The following DHX8 variants were observed in gnomAD, a reference collection of about 807,000 sequenced individuals.
DHX8 encodes DEAH-box helicase 8.
Under a neutral mutation model 140.7 loss-of-function variants are expected in DHX8, and 67 were observed. The ratio of observed to expected loss-of-function variants is 0.48; its 90% CI spans 0.39 to 0.58. DHX8 has a LOEUF of 0.58. Ranked by LOEUF, DHX8 falls within the 20% of genes least tolerant of loss-of-function variation. The pLI is 0.00. For missense variants in DHX8, 887 were observed against 1,550.7 expected, an observed-to-expected ratio of 0.57 and a Z score of 7.19; for synonymous variants, 533 against 553.2, an observed-to-expected ratio of 0.96 and a Z score of 0.51.
chr17:43,512,934 C>G (rs1329511638), intron 16 of DHX8, among the ~76,000 whole-genome samples: 1 of 152,000 alleles, frequency 6.6e-6, no homozygotes, highest in Non-Finnish European at 1.5e-5. Context: ...ATACAAGCAG[C>G]TCATTTTTTA....
At chr17:43,530,462 G>A (rs1970855053), downstream of DHX8, 1 of 1,340,402 alleles carries the variant, frequency 7.5e-7, no homozygotes, top group Non-Finnish European at 9.6e-7. Context: ...AGCTGCCAGG[G>A]AGCAGCTGTT....
At chr17:43,529,702 T>TGG (rs1970788799), downstream of DHX8, 1 of 1,598,750 alleles carries the variant, frequency 6.3e-7, no homozygotes, top group South Asian at 1.1e-5. Context: ...ATAGGAGGTG[T>TGG]GGGGTTTGTG....
downstream of DHX8, chr17:43,530,056 G>A (rs749260930): frequency 9.3e-6 from 15 of 1,608,828 alleles, no homozygotes; most frequent in East Asian, 1.6e-4. Flanking sequence ...CCATGGCAGC[G>A]CTCCCTCCCC....
chr17:43,492,376 C>G, intron 5 of DHX8, 84 bp downstream of exon 5: 1 of 1,046,300 alleles, frequency 9.6e-7, no homozygotes, highest in South Asian at 1.4e-5. Flanking sequence ...AAATTTTGGG[C>G]AAGTTTACAG....
In DHX8 at chr17:43,496,207, A is replaced by G; in HGVS notation, c.1239A>G (p.Lys413=). 2 of 1,614,028 alleles carry G rather than the reference A, an allele frequency of 1.2e-6. No individual in the cohort carries two copies. Among genetic ancestry groups the G allele is most frequent in the Middle Eastern group, 1.6e-4 (1 of 6,062 alleles). The change falls in exon 9 of 23, where the codon AAA becomes AAG. Residue 413 remains lysine, a synonymous_variant. Coordinates refer to ENST00000262415, the MANE Select transcript of DHX8 (RefSeq NM_004941.3). ...KQMIAANVLS[K]EEFPDFDEET... ...TGATTGCTGCCAATGTCCTTTCCAA[A>G]GAAGAATTTCCAGACTTTGATGAAG... is the stretch of plus-strand genomic sequence containing the variant.
chr17:43,489,359 G>T, intron 1 of DHX8, 90 bp from the exon 2 acceptor site: 1 of 871,202 alleles, frequency 1.1e-6, no homozygotes, highest in Non-Finnish European at 1.8e-6. Flanking sequence ...TATTACTGTT[G>T]GATAACCTAA....
intron 16 of DHX8, among the ~76,000 whole-genome samples, chr17:43,509,832 C>T (rs1292423891): frequency 6.6e-6 from 1 of 151,904 alleles, no homozygotes; most frequent in African/African-American, 2.4e-5. Flanking sequence ...CCACGCCTGG[C>T]TTATTTTTGT....
chr17:43,500,891 C>T (rs923428631), intron 11 of DHX8, among the ~76,000 whole-genome samples: 1 of 151,962 alleles, frequency 6.6e-6, no homozygotes, highest in Non-Finnish European at 1.5e-5. Context: ...AGCCTGGCTA[C>T]AGAGTGAGAC....
chr17:43,526,523 T>A, downstream of DHX8: 3 of 1,535,712 alleles, frequency 2.0e-6, no homozygotes, highest in African/African-American at 1.4e-5. Flanking sequence ...CTGTGGTTGC[T>A]GTAGCTGTCT....
In DHX8 at chr17:43,490,473, G is replaced by A. The variant is rs995671434; in HGVS notation, c.307+10G>A. The A allele has an allele frequency of 5.0e-6, 8 of 1,609,464 alleles. No homozygotes were observed. In the African/African-American group the frequency reaches 1.1e-4, roughly 22 times the overall value. ...CCTTCCACTAGCAAAGGTAAGCAGA[G>A]CTTCCAGCTGAGCTTAGCTTCTAGA... On this transcript the variant is annotated intron_variant, in intron 3 of 22. Transcript: ENST00000262415.
chr17:43,494,835 G>A (rs574098182), intron 8 of DHX8, among the ~76,000 whole-genome samples: 19 of 147,586 alleles, frequency 1.3e-4, no homozygotes, highest in African/African-American at 4.3e-4. Context: ...TAATTGAGAC[G>A]GAGTCTCGCT....
intron 10 of DHX8, among the ~76,000 whole-genome samples, chr17:43,499,609 G>T (rs754802081): frequency 1.3e-5 from 2 of 152,188 alleles, no homozygotes; most frequent in South Asian, 2.1e-4. Context: ...CTGAAACCTC[G>T]CTCACTGAAG....
At chr17:43,526,671 A>G, downstream of DHX8, 1 of 1,526,128 alleles carries the variant, frequency 6.6e-7, no homozygotes, top group Non-Finnish European at 8.8e-7. Context: ...GCTGCTTCTC[A>G]GCTAACTCCC....
rs1184357742 is a variant in DHX8 at position 43,524,225 on chromosome 17, C to T, written c.*378C>T. On this transcript the variant is annotated 3_prime_UTR_variant, in exon 23 of 23. Transcript: ENST00000262415. ...GCCCCAGCTAGCAGGAGCTACTGTG[C>T]TCATCTAAAGTGTTTGCCCCACTTC... 1 of 1,104,230 alleles carries T rather than the reference C, an allele frequency of 9.1e-7. No homozygotes were observed. The highest frequency in any genetic ancestry group is 1.1e-6 in the Non-Finnish European group (1 of 900,798). 68.4% of individuals were successfully genotyped at this position (1,104,230 alleles called of 1,614,324 possible).
At chr17:43,532,791 G>C in intron 2 of DHX8, 1 of 1,614,046 alleles carries the variant, frequency 6.2e-7, no homozygotes, top group Non-Finnish European at 8.5e-7. Flanking sequence ...TCATACAGGG[G>C]ATCATGGTAT....
chr17:43,494,340 G>A (rs546097988), intron 8 of DHX8, among the ~76,000 whole-genome samples: 4 of 152,196 alleles, frequency 2.6e-5, no homozygotes, highest in East Asian at 1.9e-4. Context: ...CTTATTAGCC[G>A]TGTAATCCTT....
At chr17:43,504,846 T>C in intron 12 of DHX8, 21 bp downstream of exon 12, 7 of 1,604,720 alleles carry the variant, frequency 4.4e-6, no homozygotes, top group Non-Finnish European at 6.0e-6. Context: ...TTTTATGATG[T>C]ATTGGTGGGG....
At chr17:43,502,079 G>A (rs1466433432) in intron 11 of DHX8, among the ~76,000 whole-genome samples, 1 of 152,176 alleles carries the variant, frequency 6.6e-6, no homozygotes, top group Non-Finnish European at 1.5e-5. Context: ...TGGGTTTGTG[G>A]GGAAAGATGG....
downstream of DHX8, among the ~76,000 whole-genome samples, chr17:43,531,705 CAAACA>C (rs902506924): frequency 1.5e-4 from 23 of 152,282 alleles, no homozygotes; most frequent in African/African-American, 4.3e-4. Context: ...TGTCTCAAAA[CAAACA>C]AAACAAAACA....
Sources: allele counts gnomAD v4.1 joint callset (sites outside exome capture counted in the v4.1 genomes callset), GRCh38; gene constraint gnomAD v4.1.1; transcripts MANE v1.5; gene names NCBI Gene and HGNC (gene_info 2026-07-23, HGNC 2026-07-21).